MOCOS: variants seen among roughly 807,000 people sequenced by gnomAD.
MOCOS encodes human molybdenum cofactor sulfurase.
A neutral mutation model predicts 83.6 loss-of-function variants in MOCOS; 86 were observed. That is an observed-to-expected ratio of 1.03 (90% CI 0.86 to 1.23). MOCOS has a LOEUF of 1.23. Ranked by LOEUF, MOCOS falls within the 50% of genes most tolerant of loss-of-function variation. The pLI is 0.00. For missense variants in MOCOS, 1,120 were observed against 1,126.9 expected (o/e 0.99, Z 0.09); for synonymous variants, 445 against 434.7 (o/e 1.02, Z -0.29).
intron 13 of MOCOS, among the ~76,000 whole-genome samples, chr18:36,263,767 A>G (rs1352583428): frequency 6.6e-6 from 1 of 152,154 alleles, no homozygotes; most frequent in Non-Finnish European, 1.5e-5. Flanking sequence ...GTATTGTTTG[A>G]CTTGTTTTTT....
intron 9 of MOCOS, among the ~76,000 whole-genome samples, chr18:36,235,938 C>A (rs76327731): frequency 4.7e-4 from 72 of 151,936 alleles, no homozygotes; most frequent in African/African-American, 1.4e-3. Context: ...TCTTTTGAGA[C>A]GTGTCTGTTC....
At chr18:36,235,068 C>T (rs149622692) in intron 9 of MOCOS, among the ~76,000 whole-genome samples, 15 of 152,222 alleles carry the variant, frequency 9.9e-5, no homozygotes, top group African/African-American at 3.1e-4. Context: ...TCCCAAATCT[C>T]ATGTCTTTTA....
Position 36,220,181 on chromosome 18 carries a change from G to A in MOCOS, c.1924G>A (p.Asp642Asn), listed in dbSNP as rs368047381. 6.2e-7 allele frequency: 1 copy of A among 1,614,096 alleles called. No homozygotes were observed. Among genetic ancestry groups the A allele is most frequent in the South Asian group, 1.1e-5 (1 of 91,074 alleles). The change falls in exon 9 of 15, where the codon GAC (aspartate) becomes AAC (asparagine). Residue 642 changes from aspartate (D) to asparagine (N), a missense_variant. Physicochemically the swap from Asp to Asn is conservative, Grantham distance 23 (BLOSUM62 1). Coordinates refer to ENST00000261326, the MANE Select transcript of MOCOS (RefSeq NM_017947.4). ...PRLCLIQPFIDLRQRIMVIKA... is the reference protein window; with the variant it reads ...PRLCLIQPFINLRQRIMVIKA... ...GCTCTGCCTGATCCAGCCCTTCATC[G>A]ACTTGCGGCAAAGGATCATGGTCAT...
chr18:36,251,340 C>G (rs570896822), intron 11 of MOCOS, 57 bp downstream of exon 11: 2 of 1,597,276 alleles, frequency 1.3e-6, no homozygotes, highest in South Asian at 2.2e-5. Flanking sequence ...CCCTTGCACA[C>G]ATCAAAACAG....
chr18:36,231,891 T>A (rs1568060167), intron 9 of MOCOS, among the ~76,000 whole-genome samples: 2 of 152,206 alleles, frequency 1.3e-5, no homozygotes, highest in Non-Finnish European at 2.9e-5. Flanking sequence ...AAAGTCTTCA[T>A]GTTATAAAAA....
intron 9 of MOCOS, among the ~76,000 whole-genome samples, chr18:36,224,025 T>C (rs1019275827): frequency 6.6e-5 from 10 of 152,194 alleles, no homozygotes; most frequent in Non-Finnish European, 1.2e-4. Flanking sequence ...GGTATTGTAC[T>C]CTTTTTTTTG....
In MOCOS at chr18:36,271,006, T is replaced by G. The variant is rs1348247514; in HGVS notation, c.*2321T>G. The G allele has an allele frequency of 6.6e-6, 1 of 151,900 alleles. No homozygotes were observed. Among genetic ancestry groups the G allele is most frequent in the Non-Finnish European group, 1.5e-5 (1 of 68,022 alleles). The allele number at this position is 151,900 out of a possible 1,614,324, so 9.4% of individuals were successfully genotyped here. ...ATTTTTTTTTTCTTTTTTTTCTTTT[T>G]GGTAGAGATGGCATCTCACTTTGTT... is the stretch of plus-strand genomic sequence containing the variant. On this transcript the variant is annotated 3_prime_UTR_variant, in exon 15 of 15. Transcript: ENST00000261326.
chr18:36,205,444 A>C (rs971644422), intron 6 of MOCOS, among the ~76,000 whole-genome samples, 168 bp downstream of exon 6: 2 of 152,224 alleles, frequency 1.3e-5, no homozygotes, highest in African/African-American at 4.8e-5. Flanking sequence ...TTACTCAGCC[A>C]AAAGTGGTAA....
intron 13 of MOCOS, 91 bp downstream of exon 13, chr18:36,260,266 C>A: frequency 6.6e-7 from 1 of 1,516,368 alleles, no homozygotes; most frequent in Non-Finnish European, 9.1e-7. Flanking sequence ...AGGTGGGACT[C>A]CCTCCCAGTC....
intron 5 of MOCOS, 88 bp downstream of exon 5, chr18:36,203,277 CAG>C (rs2091421613): frequency 3.1e-6 from 4 of 1,292,588 alleles, no homozygotes; most frequent in East Asian, 2.3e-5. Flanking sequence ...GTAAAGGAGA[CAG>C]AGTCTGTGGA....
chr18:36,239,400 G>T (rs1408323696), intron 9 of MOCOS, among the ~76,000 whole-genome samples: 2 of 145,366 alleles, frequency 1.4e-5, no homozygotes, highest in Admixed American at 6.8e-5. Flanking sequence ...ATGAAGCTTA[G>T]TTTGGCTGGA....
chr18:36,233,590 T>C (rs2091546782), intron 9 of MOCOS, among the ~76,000 whole-genome samples: 1 of 152,230 alleles, frequency 6.6e-6, no homozygotes, highest in Non-Finnish European at 1.5e-5. Flanking sequence ...GGTTCTACTT[T>C]TAGTTCTTTA....
chr18:36,199,623 G>T, intron 3 of MOCOS, 60 bp from the exon 4 acceptor site: 1 of 1,607,718 alleles, frequency 6.2e-7, no homozygotes, highest in South Asian at 1.1e-5. Context: ...AAAACAGCCT[G>T]CAAACATTCA....
chr18:36,225,812 G>C (rs1459389314), intron 9 of MOCOS, among the ~76,000 whole-genome samples: 1 of 151,620 alleles, frequency 6.6e-6, no homozygotes, highest in Non-Finnish European at 1.5e-5. Flanking sequence ...ATTTAAGAGT[G>C]TGTTGTTTCA....
intron 9 of MOCOS, among the ~76,000 whole-genome samples, chr18:36,242,738 G>T (rs926757249): frequency 6.6e-6 from 1 of 152,194 alleles, no homozygotes; most frequent in Non-Finnish European, 1.5e-5. Context: ...AGAGAAGGGG[G>T]TAGGAGGAAC....
At chr18:36,249,719 TC>T (rs1183325212) in intron 10 of MOCOS, among the ~76,000 whole-genome samples, 1 of 151,998 alleles carries the variant, frequency 6.6e-6, no homozygotes, top group African/African-American at 2.4e-5. Flanking sequence ...TGGACCAGGG[TC>T]AGAGAGAAAG....
intron 11 of MOCOS, 187 bp from the exon 12 acceptor site, chr18:36,256,781 A>C: frequency 1.7e-6 from 1 of 603,532 alleles, no homozygotes; most frequent in South Asian, 1.8e-5. Context: ...GTATTCTAGA[A>C]TCTCCTTTTG....
intron 9 of MOCOS, among the ~76,000 whole-genome samples, chr18:36,242,395 C>G (rs1430203248): frequency 6.6e-6 from 1 of 152,226 alleles, no homozygotes; most frequent in Non-Finnish European, 1.5e-5. Context: ...TTGGTCAAAA[C>G]CATTCAACAA....
chr18:36,233,871 T>C (rs1469069045), intron 9 of MOCOS, among the ~76,000 whole-genome samples: 2 of 151,484 alleles, frequency 1.3e-5, no homozygotes, highest in African/African-American at 4.9e-5. Flanking sequence ...AGCCCACTTT[T>C]TGATGAGATT....
Sources: allele counts gnomAD v4.1 joint callset (sites outside exome capture counted in the v4.1 genomes callset), GRCh38; gene constraint gnomAD v4.1.1; transcripts MANE v1.5; gene names NCBI Gene and HGNC (gene_info 2026-07-23, HGNC 2026-07-21).